ABCA12: variants seen among roughly 807,000 people sequenced by gnomAD.
ABCA12 encodes ATP binding cassette subfamily A member 12.
ABCA12 carries 156 observed loss-of-function variants against 293.5 expected under a neutral mutation model. The ratio of observed to expected loss-of-function variants is 0.53; its 90% CI spans 0.47 to 0.61. ABCA12 has a LOEUF of 0.61. Among genes scored for constraint, ABCA12 ranks in the 20% least tolerant of loss-of-function variants. The probability of loss-of-function intolerance (pLI) is 0.00; values close to 1 mark genes in which losing one functional copy is unlikely to be tolerated. For synonymous variants in ABCA12, 1,063 were observed against 1,108.0 expected (o/e 0.96, Z 0.81); for missense variants, 2,797 against 3,090.2 (o/e 0.91, Z 2.25).
chr2:214,983,561 G>T (rs1699717137), intron 29 of ABCA12, 86 bp downstream of exon 29: 1 of 1,106,228 alleles, frequency 9.0e-7, no homozygotes, highest in Non-Finnish European at 1.4e-6. Flanking sequence ...ATTTCCTATT[G>T]GTATCATTAC....
chr2:214,983,923 G>T lies in ABCA12; in HGVS notation c.4164-58C>A. The T allele has an allele frequency of 6.2e-6, 9 of 1,457,130 alleles. No homozygotes were observed. The South Asian group carries it at 9.3e-5, about 15-fold the overall frequency. 90.3% of individuals were successfully genotyped at this position (1,457,130 alleles called of 1,614,324 possible). ...GCCAAGCATTGAAGCTAGATATTAG[G>T]AATAACTATATCTCAGTTGTTAGAA... On this transcript the variant is annotated intron_variant, in intron 28 of 52. Coordinates refer to ENST00000272895, the MANE Select transcript of ABCA12 (RefSeq NM_173076.3).
At chr2:214,972,932 G>A (rs1267173888) in intron 36 of ABCA12, among the ~76,000 whole-genome samples, 1 of 152,020 alleles carries the variant, frequency 6.6e-6, no homozygotes, top group Admixed American at 6.6e-5. Context: ...TCTCACCTCA[G>A]CCTCCTGAGT....
intron 3 of ABCA12, among the ~76,000 whole-genome samples, chr2:215,063,099 G>A (rs1167497713): frequency 6.6e-6 from 1 of 151,880 alleles, no homozygotes; most frequent in Non-Finnish European, 1.5e-5. Context: ...AAATCAGTGT[G>A]AATCAGCATC....
rs185791724 is a variant in ABCA12, at chr2:215,084,961, G to T, written c.164-20742C>A. 1.7e-4 allele frequency among the ~76,000 whole-genome samples: 26 copies of T among 151,896 alleles called. 1 individual carries two copies. The Middle Eastern group carries it at 0.014, about 79-fold the overall frequency. Reference sequence around the variant, plus strand: ...ATACAAAACTTAGCTGGGCATGGTGGCACACACCTGTAGTCCTAGCTACTT... The same window carrying T: ...ATACAAAACTTAGCTGGGCATGGTGTCACACACCTGTAGTCCTAGCTACTT... On this transcript the variant is annotated intron_variant, in intron 2 of 52. Transcript: ENST00000272895.
Position 214,978,901 on chromosome 2 carries a change from A to C in ABCA12, c.4880T>G (p.Val1627Gly). The change falls in exon 32 of 53, where the codon GTC becomes GGC. Residue 1627 changes from valine to glycine, a missense_variant. Coordinates refer to ENST00000272895, the MANE Select transcript of ABCA12 (RefSeq NM_173076.3). Reference protein sequence around the residue: ...VYVLPPFSTKVSGAYLSLLRA... With the variant: ...VYVLPPFSTKGSGAYLSLLRA... ...TAGGAGTGACAGGTAGGCCCCTGAGACTTTGGTGCTGAATGGAGGAAGTAC... is the reference window on the plus strand; with the variant it reads ...TAGGAGTGACAGGTAGGCCCCTGAGCCTTTGGTGCTGAATGGAGGAAGTAC... 1 of 1,613,932 alleles carries C rather than the reference A, an allele frequency of 6.2e-7. No individual in the cohort carries two copies. Among genetic ancestry groups the C allele is most frequent in the South Asian group, 1.1e-5 (1 of 91,060 alleles).
At chr2:215,100,513 T>C (rs1264261237) in intron 2 of ABCA12, among the ~76,000 whole-genome samples, 2 of 152,224 alleles carry the variant, frequency 1.3e-5, no homozygotes, top group Non-Finnish European at 2.9e-5. Context: ...ATTTGCACAA[T>C]TGTTACATGT....
intron 36 of ABCA12, among the ~76,000 whole-genome samples, chr2:214,972,228 A>G (rs901013584): frequency 6.6e-6 from 1 of 152,132 alleles, no homozygotes; most frequent in African/African-American, 2.4e-5. Context: ...TATATACAGT[A>G]TAATTTTTTT....
chr2:214,948,675 A>C lies in ABCA12; in HGVS notation c.7025T>G (p.Leu2342Ter). 6.2e-7 allele frequency: 1 copy of C among 1,614,118 alleles called. No homozygotes were observed. The highest frequency in any genetic ancestry group is 8.5e-7 in the Non-Finnish European group (1 of 1,179,972). The change falls in exon 47 of 53, where the codon TTA (leucine) becomes TGA (stop). Residue 2342 changes from leucine (L) to a stop codon, truncating the protein, a stop_gained. Coordinates refer to ENST00000272895, the MANE Select transcript of ABCA12 (RefSeq NM_173076.3). LOFTEE classifies it high-confidence loss of function. ...LVGYCPQEDA[L>*]DDLVTVEEHL... ...TTCTTCCACAGTTACCAGGTCATCTAAGGCATCTTCCTGAGGACAGTAGCC... is the reference window on the plus strand; with the variant it reads ...TTCTTCCACAGTTACCAGGTCATCTCAGGCATCTTCCTGAGGACAGTAGCC...
At chr2:215,093,543 G>A (rs185561408) in intron 2 of ABCA12, among the ~76,000 whole-genome samples, 38 of 152,270 alleles carry the variant, frequency 2.5e-4, no homozygotes, top group East Asian at 7.7e-4. Context: ...CCAGAACCGC[G>A]CCCTGTAGTC....
At chr2:215,130,447 C>T (rs1703028848) in intron 1 of ABCA12, among the ~76,000 whole-genome samples, 2 of 151,930 alleles carry the variant, frequency 1.3e-5, no homozygotes, top group Non-Finnish European at 2.9e-5. Flanking sequence ...GATCTTTCAC[C>T]TCCTTGGTTA....
At chr2:215,126,629 A>G (rs546381936) in intron 1 of ABCA12, among the ~76,000 whole-genome samples, 3 of 152,068 alleles carry the variant, frequency 2.0e-5, no homozygotes, top group East Asian at 1.9e-4. Context: ...TTGTATTTCA[A>G]TGGTGTCAGT....
At chr2:215,078,358 T>C (rs745348206) in intron 2 of ABCA12, among the ~76,000 whole-genome samples, 7 of 152,234 alleles carry the variant, frequency 4.6e-5, no homozygotes, top group Non-Finnish European at 1.0e-4. Context: ...TGAGATCATG[T>C]AGCATTGTGT....
At chr2:215,086,601 A>G (rs1176702534) in intron 2 of ABCA12, among the ~76,000 whole-genome samples, 1 of 152,220 alleles carries the variant, frequency 6.6e-6, no homozygotes, top group Non-Finnish European at 1.5e-5. Context: ...TCCTGAGCCT[A>G]GAAGTTCCAT....
chr2:214,954,201 C>T, intron 43 of ABCA12, 94 bp from the exon 44 acceptor site: 2 of 1,357,862 alleles, frequency 1.5e-6, no homozygotes, highest in South Asian at 1.3e-5. Flanking sequence ...AATAGTGAAA[C>T]CTAAAAAGCT....
chr2:214,969,479 T>C (rs1367641609), intron 37 of ABCA12, among the ~76,000 whole-genome samples: 1 of 152,130 alleles, frequency 6.6e-6, no homozygotes, highest in Non-Finnish European at 1.5e-5. Context: ...AATGTAGTGC[T>C]ATAGAGCTAT....
At chr2:215,088,868 A>G (rs1237226380) in intron 2 of ABCA12, among the ~76,000 whole-genome samples, 2 of 152,194 alleles carry the variant, frequency 1.3e-5, no homozygotes, top group Non-Finnish European at 2.9e-5. Flanking sequence ...GAGCTTTAGT[A>G]GCAAAAAAGG....
At chr2:215,121,618 C>T (rs73076514) in intron 1 of ABCA12, among the ~76,000 whole-genome samples, 1 of 152,048 alleles carries the variant, frequency 6.6e-6, no homozygotes, top group Non-Finnish European at 1.5e-5. Context: ...CTCAATTAGT[C>T]TTTCTGGTTG....
intron 50 of ABCA12, among the ~76,000 whole-genome samples, chr2:214,940,597 G>A (rs373128137): frequency 1.3e-5 from 2 of 152,020 alleles, no homozygotes; most frequent in African/African-American, 2.4e-5. Context: ...CTGGTCCTGG[G>A]CTTTTTTTGG....
rs187112209 is a variant in ABCA12 at position 215,103,792 on chromosome 2, T to A, written c.163+7805A>T. ...ATCAAGTTTTTGTTTAGTTTAGTTTTGTTTTGTTTTTGCTATTTACTTCTC... is the reference window on the plus strand; with the variant it reads ...ATCAAGTTTTTGTTTAGTTTAGTTTAGTTTTGTTTTTGCTATTTACTTCTC... On this transcript the variant is annotated intron_variant, in intron 2 of 52. Coordinates refer to ENST00000272895, the MANE Select transcript of ABCA12 (RefSeq NM_173076.3). Among the ~76,000 whole-genome samples the A allele has an allele frequency of 1.2e-4, 19 of 152,284 alleles. No homozygotes were observed. The East Asian group carries it at 3.5e-3, about 28-fold the overall frequency.
Sources: gnomAD v4.1 joint callset for allele counts (sites outside exome capture counted in the v4.1 genomes callset) on GRCh38, gnomAD v4.1.1 for gene constraint, MANE v1.5 for transcripts, NCBI Gene and HGNC (gene_info 2026-07-23, HGNC 2026-07-21) for gene names.